The following VAV3 variants were observed in gnomAD, a reference collection of about 807,000 sequenced individuals.
The protein encoded by VAV3 is vav guanine nucleotide exchange factor 3, also known as guanine nucleotide exchange factor VAV3.
Under a neutral mutation model 131.2 loss-of-function variants are expected in VAV3, and 94 were observed. That is an observed-to-expected ratio of 0.72 (90% confidence interval 0.61 to 0.85). The LOEUF (loss-of-function observed/expected upper bound fraction) is 0.85, where lower values mean the gene tolerates loss of function less well. Ranked by LOEUF, VAV3 falls within the 40% of genes least tolerant of loss-of-function variation. VAV3 has a pLI of 0.00. For synonymous variants in VAV3, 349 were observed against 342.0 expected (o/e 1.02, Z -0.22); for missense variants, 939 against 1,002.7 (o/e 0.94, Z 0.86).
rs149217354 is a variant in VAV3, at chr1:107,668,581, T to C, written c.1777+14907A>G. 9.6e-5 allele frequency: 91 copies of C among 945,230 alleles called. No individual in the cohort carries two copies. The African/African-American group carries it at 1.5e-3, about 16-fold the overall frequency. The allele number at this position is 945,230 out of a possible 1,614,324, so 58.6% of individuals were successfully genotyped here. On this transcript the variant is annotated intron_variant, in intron 19 of 26. Transcript: ENST00000370056. Reference sequence around the variant, plus strand: ...ACATATAAATCATACAAAGATGAATTTGCAGTCATGGAGTACAATGAAATG... The same window carrying C: ...ACATATAAATCATACAAAGATGAATCTGCAGTCATGGAGTACAATGAAATG...
At chr1:107,794,085 C>T (rs567472683) in intron 2 of VAV3, among the ~76,000 whole-genome samples, 97 of 152,344 alleles carry the variant, frequency 6.4e-4, no homozygotes, top group South Asian at 5.8e-3. Context: ...CTGTTCCAGA[C>T]GGGACCAAAG....
intron 15 of VAV3, among the ~76,000 whole-genome samples, chr1:107,712,952 G>A (rs768911887): frequency 3.3e-5 from 5 of 152,118 alleles, no homozygotes; most frequent in South Asian, 4.1e-4. Context: ...GAAGAATTTC[G>A]GGACAGAGGA....
chr1:107,873,750 C>A (rs1035011324), intron 2 of VAV3, among the ~76,000 whole-genome samples: 2 of 152,074 alleles, frequency 1.3e-5, no homozygotes, highest in Non-Finnish European at 2.9e-5. Context: ...CCTTCTTATC[C>A]CCCCTTCCTT....
chr1:107,754,669 T>C (rs538185817), intron 12 of VAV3, among the ~76,000 whole-genome samples: 25 of 152,320 alleles, frequency 1.6e-4, no homozygotes, highest in African/African-American at 5.8e-4. Flanking sequence ...TGTTATGTAA[T>C]TGCCCTGCCC....
intron 2 of VAV3, among the ~76,000 whole-genome samples, chr1:107,802,257 A>ACTC (rs1184666622): frequency 6.6e-6 from 1 of 150,888 alleles, no homozygotes. Context: ...TTTTTTGTGG[A>ACTC]CTCTTTAGAT....
chr1:107,851,897 A>T (rs34005895), intron 2 of VAV3, among the ~76,000 whole-genome samples: 106,809 of 151,564 alleles, frequency 0.7, 37,946 homozygotes, highest in Non-Finnish European at 0.74. Flanking sequence ...TGATTTTTTT[A>T]AAAAAGTTTT....
chr1:107,901,770 G>A (rs1264856929), intron 1 of VAV3, among the ~76,000 whole-genome samples: 3 of 152,106 alleles, frequency 2.0e-5, no homozygotes. Flanking sequence ...GGGCTGGAGA[G>A]GGTGGTTCAC....
At chr1:107,765,677 C>G (rs1664695900) in intron 8 of VAV3, among the ~76,000 whole-genome samples, 1 of 152,192 alleles carries the variant, frequency 6.6e-6, no homozygotes, top group South Asian at 2.1e-4. Context: ...GAGACCTGAA[C>G]TGTTCTGGAC....
rs772705792 is a variant in VAV3 at position 107,573,313 on chromosome 1, G to A, written c.*18C>T. ...TTCTCTGAAATTTTTGGTGCAGGGT[G>A]CAACACGGGATTTGAATTTATTCAT... is the stretch of plus-strand genomic sequence containing the variant. On this transcript the variant is annotated 3_prime_UTR_variant, in exon 27 of 27. Coordinates refer to ENST00000370056, the MANE Select transcript of VAV3 (RefSeq NM_006113.5). The A allele has an allele frequency of 1.7e-5, 28 of 1,613,700 alleles. No individual in the cohort carries two copies. The African/African-American group carries it at 1.7e-4, about 10-fold the overall frequency.
chr1:107,727,890 T>C (rs1661948702), intron 15 of VAV3, among the ~76,000 whole-genome samples: 1 of 152,212 alleles, frequency 6.6e-6, no homozygotes, highest in African/African-American at 2.4e-5. Flanking sequence ...GGAGTTTCAT[T>C]ATAATTGAAT....
At chr1:107,836,272 T>C (rs1668474014) in intron 2 of VAV3, among the ~76,000 whole-genome samples, 1 of 152,220 alleles carries the variant, frequency 6.6e-6, no homozygotes, top group Non-Finnish European at 1.5e-5. Context: ...ATTGACCATA[T>C]GTTTAGCCAT....
chr1:107,686,450 T>C (rs2504459), intron 18 of VAV3, among the ~76,000 whole-genome samples: 152,228 of 152,334 alleles, frequency 1, 76,061 homozygotes, highest in Non-Finnish European at 1. Flanking sequence ...TACAAAAGTG[T>C]TTCACTATTT....
chr1:107,779,541 A>C (rs747436113), intron 2 of VAV3, 49 bp from the exon 3 acceptor site: 3 of 1,465,100 alleles, frequency 2.0e-6, no homozygotes, highest in Non-Finnish European at 2.7e-6. Flanking sequence ...AGAAAATATA[A>C]GATTTCTTTT....
At chr1:107,830,698 T>TTAC (rs1035356574) in intron 2 of VAV3, among the ~76,000 whole-genome samples, 5 of 152,166 alleles carry the variant, frequency 3.3e-5, no homozygotes, top group African/African-American at 1.2e-4. Flanking sequence ...CTGCCTTTCT[T>TTAC]TACCTACGAT....
At chr1:107,644,256 T>C (rs1411971779) in intron 19 of VAV3, among the ~76,000 whole-genome samples, 1 of 152,132 alleles carries the variant, frequency 6.6e-6, no homozygotes, top group African/African-American at 2.4e-5. Flanking sequence ...AAATATCCCA[T>C]ACACAAGTGA....
chr1:107,870,828 C>T (rs1670218713), intron 2 of VAV3, among the ~76,000 whole-genome samples: 2 of 152,118 alleles, frequency 1.3e-5, no homozygotes, highest in Admixed American at 1.3e-4. Context: ...TATGGATACT[C>T]TTTAAGAAAA....
chr1:107,582,219 C>A (rs556381903), intron 25 of VAV3, among the ~76,000 whole-genome samples: 7 of 152,204 alleles, frequency 4.6e-5, no homozygotes, highest in African/African-American at 1.7e-4. Context: ...TGGCCTAACA[C>A]CAGAGAACAT....
chr1:107,830,275 C>T (rs938648923), intron 2 of VAV3, among the ~76,000 whole-genome samples: 4 of 151,512 alleles, frequency 2.6e-5, no homozygotes, highest in Admixed American at 1.3e-4. Context: ...CAATCATAGC[C>T]CACTACAGCC....
intron 2 of VAV3, among the ~76,000 whole-genome samples, chr1:107,846,458 G>A (rs1172255096): frequency 6.6e-6 from 1 of 152,154 alleles, no homozygotes; most frequent in African/African-American, 2.4e-5. Context: ...CCAATTAAAA[G>A]ACACAGACTG....
Sources: gnomAD v4.1 joint callset for allele counts (sites outside exome capture counted in the v4.1 genomes callset) on GRCh38, gnomAD v4.1.1 for gene constraint, MANE v1.5 for transcripts, NCBI Gene and HGNC (gene_info 2026-07-23, HGNC 2026-07-21) for gene names.